ECPAS: variants seen among roughly 807,000 people sequenced by gnomAD.
ECPAS encodes the protein proteasome adapter and scaffold protein ECM29.
ECPAS carries 70 observed loss-of-function variants against 255.1 expected under a neutral mutation model. The observed-to-expected ratio is 0.27, with a 90% CI of 0.23 to 0.33. The LOEUF is 0.33. ECPAS is among the 10% of genes least tolerant of loss of function. The pLI, the probability that ECPAS is intolerant of heterozygous loss-of-function variation, is 1.00. For synonymous variants in ECPAS, 784 were observed against 775.0 expected (o/e 1.01, Z -0.19); for missense variants, 1,817 against 2,206.4 (o/e 0.82, Z 3.54).
intron 13 of ECPAS, 112 bp from the exon 14 acceptor site, chr9:111,422,312 A>G: frequency 1.7e-6 from 2 of 1,150,822 alleles, no homozygotes; most frequent in Non-Finnish European, 2.5e-6. Flanking sequence ...CAATGTCAGC[A>G]TCATTACCCG....
intron 9 of ECPAS, among the ~76,000 whole-genome samples, chr9:111,430,338 T>C (rs2098228005): frequency 6.6e-6 from 1 of 152,218 alleles, no homozygotes; most frequent in Non-Finnish European, 1.5e-5. Context: ...CAGTTTGTCA[T>C]TGTTATTTAG....
At chr9:111,375,585 G>C (rs1245281555) in intron 37 of ECPAS, among the ~76,000 whole-genome samples, 1 of 152,046 alleles carries the variant, frequency 6.6e-6, no homozygotes, top group Non-Finnish European at 1.5e-5. Context: ...CCTCTAATGA[G>C]TCAACTTCTT....
chr9:111,417,879 A>G lies in ECPAS; in HGVS notation c.1683+4T>C, dbSNP rs755866370. 2 of 1,554,254 alleles carry G rather than the reference A, an allele frequency of 1.3e-6. No individual in the cohort carries two copies. The highest frequency in any genetic ancestry group is 1.2e-5 in the South Asian group (1 of 82,328). ...GACTAATTACCTTAAGTTGCATGCC[A>G]TACCTTTTCTTGGATGTAATAAACC... On this transcript the variant is annotated splice_donor_region_variant and intron_variant, in intron 17 of 49. Coordinates refer to ENST00000684092, the MANE Select transcript of ECPAS (RefSeq NM_001364929.1).
At position 111,410,198 on chromosome 9, in the gene ECPAS, C is replaced by A; in HGVS notation, c.2393G>T (p.Ser798Ile). The change falls in exon 23 of 50, where the codon AGT becomes ATT. Residue 798 changes from serine to isoleucine, a missense_variant. By Grantham distance (142) the Ser-to-Ile change is moderately radical. Transcript: ENST00000684092. ...ATETIGSFLDSTSPLLAIAAC... is the reference protein window; with the variant it reads ...ATETIGSFLDITSPLLAIAAC... Reference sequence around the variant, plus strand: ...AGCAATTGCCAGGAGGGGTGATGTACTGTCCAAAAATGAGCCTGTAAGCAC... The same window carrying A: ...AGCAATTGCCAGGAGGGGTGATGTAATGTCCAAAAATGAGCCTGTAAGCAC... The A allele has an allele frequency of 6.2e-7, 1 of 1,611,844 alleles. No homozygotes were observed.
intron 1 of ECPAS, among the ~76,000 whole-genome samples, chr9:111,482,605 T>TAAC (rs1363959061): frequency 6.6e-6 from 1 of 150,518 alleles, no homozygotes. Context: ...CATCTTCAAA[T>TAAC]AACACCTTTC....
At chr9:111,371,265 A>C (rs1287268711) in intron 43 of ECPAS, among the ~76,000 whole-genome samples, 1 of 152,110 alleles carries the variant, frequency 6.6e-6, no homozygotes, top group Non-Finnish European at 1.5e-5. Context: ...CTACCTTGCT[A>C]CTCTATTTCA....
intron 10 of ECPAS, 100 bp downstream of exon 10, chr9:111,427,942 T>A: frequency 9.9e-7 from 1 of 1,005,288 alleles, no homozygotes; most frequent in Non-Finnish European, 1.4e-6. Flanking sequence ...GTTATATACA[T>A]CAACCTACCC....
At chr9:111,375,885 G>A (rs1395070914) in intron 37 of ECPAS, among the ~76,000 whole-genome samples, 1 of 152,012 alleles carries the variant, frequency 6.6e-6, no homozygotes, top group East Asian at 1.9e-4. Flanking sequence ...TCCTGCTAAA[G>A]GTACAGATCT....
chr9:111,408,835 C>T (rs2098189289), intron 23 of ECPAS, among the ~76,000 whole-genome samples, 163 bp from the exon 24 acceptor site: 1 of 152,156 alleles, frequency 6.6e-6, no homozygotes, highest in Non-Finnish European at 1.5e-5. Flanking sequence ...GTCTGTAAGT[C>T]ATTGAAGGTA....
At chr9:111,475,094 T>A (rs1281660076) in intron 1 of ECPAS, among the ~76,000 whole-genome samples, 1 of 152,250 alleles carries the variant, frequency 6.6e-6, no homozygotes, top group Non-Finnish European at 1.5e-5. Flanking sequence ...GTTAGGCAGT[T>A]TACTTACCGT....
At chr9:111,362,637 G>A (rs1450046605) in intron 49 of ECPAS, among the ~76,000 whole-genome samples, 3 of 152,034 alleles carry the variant, frequency 2.0e-5, no homozygotes, top group Non-Finnish European at 4.4e-5. Flanking sequence ...GAAAGCATCT[G>A]AGAACTACAT....
chr9:111,484,268 G>GC lies in ECPAS; in HGVS notation c.-236dup. Reference sequence around the variant, plus strand: ...CGAGCGGGCCCGGGCTGCCCTAGCGGCCGGGGGAAATCCTCGAGGCGGGGC... The same window carrying GC: ...CGAGCGGGCCCGGGCTGCCCTAGCGGCCCGGGGGAAATCCTCGAGGCGGGGC... On this transcript the variant is annotated 5_prime_UTR_variant, in exon 1 of 50. Coordinates refer to ENST00000684092, the MANE Select transcript of ECPAS (RefSeq NM_001364929.1). 1.3e-6 allele frequency: 2 copies of GC among 1,512,820 alleles called. No homozygotes were observed. The highest frequency in any genetic ancestry group is 2.6e-5 in the South Asian group (2 of 76,752). 93.7% of individuals were successfully genotyped at this position (1,512,820 alleles called of 1,614,324 possible).
rs1048590542 is a variant in ECPAS at position 111,442,201 on chromosome 9, C to G, written c.389+105G>C. 4 of 694,288 alleles carry G rather than the reference C, an allele frequency of 5.8e-6. No homozygotes were observed. The African/African-American group carries it at 7.3e-5, about 13-fold the overall frequency. 43.0% of individuals were successfully genotyped at this position (694,288 alleles called of 1,614,324 possible). A position where few individuals can be genotyped will look rare whatever the true frequency, so the allele number is the denominator to read the frequency against. On this transcript the variant is annotated intron_variant, in intron 5 of 49. Coordinates refer to ENST00000684092, the MANE Select transcript of ECPAS (RefSeq NM_001364929.1). ...CTATTATTTGTCAGCTAAAACAGCT[C>G]AAGACCTCCCATTTGCTCAAGTAAA...
chr9:111,387,311 C>CA (rs2098150825), intron 31 of ECPAS, among the ~76,000 whole-genome samples: 1 of 151,880 alleles, frequency 6.6e-6, no homozygotes, highest in African/African-American at 2.4e-5. Flanking sequence ...GACAGAGTCT[C>CA]ACTCATCGTC....
At chr9:111,418,045 C>A in intron 16 of ECPAS, 39 bp from the exon 17 acceptor site, 1 of 1,530,352 alleles carries the variant, frequency 6.5e-7, no homozygotes, top group Non-Finnish European at 8.8e-7. Flanking sequence ...AAATAAATGT[C>A]ACCAATGGGA....
intron 24 of ECPAS, among the ~76,000 whole-genome samples, chr9:111,407,722 G>C (rs974064957): frequency 1.3e-5 from 2 of 152,180 alleles, no homozygotes; most frequent in Admixed American, 1.3e-4. Context: ...CTTCCTGATA[G>C]AATTACACCT....
chr9:111,461,733 G>C (rs1018033127), intron 2 of ECPAS, among the ~76,000 whole-genome samples: 42 of 152,304 alleles, frequency 2.8e-4, no homozygotes, highest in African/African-American at 8.7e-4. Context: ...TCATGATGCT[G>C]ATAAAGACAT....
chr9:111,452,872 G>A (rs2098262158), intron 2 of ECPAS, among the ~76,000 whole-genome samples: 1 of 152,114 alleles, frequency 6.6e-6, no homozygotes, highest in Non-Finnish European at 1.5e-5. Flanking sequence ...CAAGCTCCTT[G>A]GAAAAAGGTC....
At chr9:111,413,427 C>A (rs953537357) in intron 20 of ECPAS, among the ~76,000 whole-genome samples, 4 of 151,838 alleles carry the variant, frequency 2.6e-5, no homozygotes, top group Non-Finnish European at 5.9e-5. Flanking sequence ...AAAGATGGGA[C>A]AAAAATTTTA....
Sources: allele counts gnomAD v4.1 joint callset (sites outside exome capture counted in the v4.1 genomes callset), GRCh38; gene constraint gnomAD v4.1.1; transcripts MANE v1.5; gene names NCBI Gene and HGNC (gene_info 2026-07-23, HGNC 2026-07-21).